LOC400499: variants seen among roughly 807,000 people sequenced by gnomAD.
At chr16:11,423,415 G>T in the LOC400499 span, among the ~76,000 whole-genome samples, 233 of 152,350 alleles carry the variant, frequency 1.5e-3, no homozygotes, top group African/African-American at 5.2e-3. Flanking sequence ...TGAGGGCGAA[G>T]CCACGGCATC....
the LOC400499 span, among the ~76,000 whole-genome samples, chr16:11,410,280 C>T: frequency 6.6e-6 from 1 of 152,140 alleles, no homozygotes; most frequent in African/African-American, 2.4e-5. Flanking sequence ...ACGGTGAAAC[C>T]CTGTCTCTAC....
the LOC400499 span, among the ~76,000 whole-genome samples, chr16:11,504,227 G>A: frequency 1.3e-5 from 2 of 152,184 alleles, no homozygotes; most frequent in South Asian, 2.1e-4. Flanking sequence ...GGCAGGCTAC[G>A]GATGGAGGCA....
At chr16:11,397,969 A>C in the LOC400499 span, among the ~76,000 whole-genome samples, 11 of 152,152 alleles carry the variant, frequency 7.2e-5, no homozygotes, top group African/African-American at 2.7e-4. Context: ...AGAACCAATC[A>C]ACCAGCTACC....
At chr16:11,424,966 C>A in the LOC400499 span, among the ~76,000 whole-genome samples, 8 of 152,112 alleles carry the variant, frequency 5.3e-5, no homozygotes, top group Admixed American at 3.9e-4. Context: ...GAATGACGTC[C>A]CAGGGAAGGA....
At chr16:11,379,424 G>A in the LOC400499 span, among the ~76,000 whole-genome samples, 1 of 152,150 alleles carries the variant, frequency 6.6e-6, no homozygotes, top group Non-Finnish European at 1.5e-5. Flanking sequence ...TCTTATAACA[G>A]CTTTTGACCT....
At chr16:11,479,658 T>G in the LOC400499 span, among the ~76,000 whole-genome samples, 3 of 152,050 alleles carry the variant, frequency 2.0e-5, no homozygotes, top group African/African-American at 7.2e-5. Flanking sequence ...AAAGAAAATT[T>G]GCAAAGACAG....
the LOC400499 span, chr16:11,384,384 CAGCCCT>C: frequency 1.0e-6 from 1 of 983,732 alleles, no homozygotes; most frequent in African/African-American, 1.7e-5. Flanking sequence ...CCCCCAGCCC[CAGCCCT>C]GCTGCCTCAG....
At chr16:11,407,292 C>A in the LOC400499 span, 1 of 398,986 alleles carries the variant, frequency 2.5e-6, no homozygotes, top group Non-Finnish European at 4.4e-6. Context: ...CGCTCCTCCA[C>A]GCCCAAGGCG....
chr16:11,499,754 G>A, the LOC400499 span, among the ~76,000 whole-genome samples: 3 of 152,096 alleles, frequency 2.0e-5, no homozygotes, highest in Non-Finnish European at 4.4e-5. Context: ...CTTCACTCCC[G>A]CTCCCTACCG....
chr16:11,439,481 G>A, the LOC400499 span: 6 of 398,998 alleles, frequency 1.5e-5, no homozygotes, highest in Non-Finnish European at 2.7e-5. Context: ...AGGGAGCAAC[G>A]TCCACACCTG....
the LOC400499 span, among the ~76,000 whole-genome samples, chr16:11,526,361 G>A: frequency 6.6e-6 from 1 of 152,112 alleles, no homozygotes; most frequent in African/African-American, 2.4e-5. Context: ...ACCAGCCTGG[G>A]CAACATGGTG....
chr16:11,501,900 T>C, the LOC400499 span, among the ~76,000 whole-genome samples: 1 of 152,142 alleles, frequency 6.6e-6, no homozygotes. Flanking sequence ...GGCTCCCCAC[T>C]TAATCTCCTT....
chr16:11,473,658 G>C, the LOC400499 span, among the ~76,000 whole-genome samples: 1 of 151,816 alleles, frequency 6.6e-6, no homozygotes, highest in African/African-American at 2.4e-5. Flanking sequence ...GGGAGGCTGA[G>C]GCAGAAGAAT....
the LOC400499 span, among the ~76,000 whole-genome samples, chr16:11,428,417 A>C: frequency 6.6e-6 from 1 of 152,100 alleles, no homozygotes; most frequent in African/African-American, 2.4e-5. Context: ...CGGGTGATCC[A>C]CCTGCTTCAA....
At chr16:11,484,344 G>C in the LOC400499 span, among the ~76,000 whole-genome samples, 3 of 152,100 alleles carry the variant, frequency 2.0e-5, no homozygotes, top group Non-Finnish European at 4.4e-5. Flanking sequence ...AGAGACTTTT[G>C]GGAGTGATGG....
chr16:11,449,413 C>G, the LOC400499 span, among the ~76,000 whole-genome samples: 1 of 152,216 alleles, frequency 6.6e-6, no homozygotes, highest in East Asian at 1.9e-4. Context: ...GCCAGGGTGT[C>G]TGTACCCTGA....
chr16:11,514,271 G>T, the LOC400499 span: 1 of 398,724 alleles, frequency 2.5e-6, no homozygotes, highest in African/African-American at 2.1e-5. Context: ...CGGGACAGAG[G>T]AACGGAACCT....
the LOC400499 span, among the ~76,000 whole-genome samples, chr16:11,433,148 A>AG: frequency 6.6e-6 from 1 of 152,226 alleles, no homozygotes; most frequent in Non-Finnish European, 1.5e-5. Context: ...GTTGCAACAG[A>AG]GACCATATGG....
the LOC400499 span, among the ~76,000 whole-genome samples, chr16:11,524,361 G>GCCCCCCCCCCCCCC: frequency 9.6e-5 from 9 of 93,724 alleles, no homozygotes; most frequent in African/African-American, 3.2e-4. Flanking sequence ...CATCCACCCA[G>GCCCCCCCCCCCCCC]CCACCCACCC....
Sources: allele counts gnomAD v4.1 joint callset (sites outside exome capture counted in the v4.1 genomes callset), GRCh38; gene constraint gnomAD v4.1.1; transcripts MANE v1.5.